GNAI1: variants seen among roughly 807,000 people sequenced by gnomAD.
GNAI1 encodes the protein guanine nucleotide-binding protein G(i) subunit alpha-1.
GNAI1 carries 11 observed loss-of-function variants against 38.9 expected under a neutral mutation model. The ratio of observed to expected loss-of-function variants is 0.28; its 90% CI spans 0.18 to 0.47. The LOEUF is 0.47. Ranked by LOEUF, GNAI1 falls within the 20% of genes least tolerant of loss-of-function variation. GNAI1 has a pLI of 0.99. For synonymous variants in GNAI1, 166 were observed against 145.1 expected, an observed-to-expected ratio of 1.14 and a Z score of -1.04; for missense variants, 317 against 436.9, an observed-to-expected ratio of 0.73 and a Z score of 2.45.
chr7:80,189,064 C>A, intron 2 of GNAI1, 26 bp from the exon 3 acceptor site: 1 of 1,600,492 alleles, frequency 6.2e-7, no homozygotes, highest in Non-Finnish European at 8.5e-7. Flanking sequence ...GTAAATAATT[C>A]TTTTTTTTCC....
chr7:80,180,922 T>G (rs965966530), intron 1 of GNAI1, among the ~76,000 whole-genome samples: 2 of 152,150 alleles, frequency 1.3e-5, no homozygotes, highest in Non-Finnish European at 2.9e-5. Flanking sequence ...TGGCCCATCC[T>G]TTAAGGGCAT....
In GNAI1 at chr7:80,221,635, TC is replaced by T. The variant is rs375627674; in HGVS notation, c.*4143del. On this transcript the variant is annotated 3_prime_UTR_variant, in exon 8 of 8. Coordinates refer to ENST00000649796, the MANE Select transcript of GNAI1 (RefSeq NM_002069.6). ...TATTTTAATGTTAGGTTGGAAATTT[TC>T]TTTTTTTTTTTTTTTTTTTTTTTTT... Among the ~76,000 whole-genome samples the T allele has an allele frequency of 4.3e-5, 4 of 92,126 alleles. No homozygotes were observed. The highest frequency in any genetic ancestry group is 6.3e-5 in the Non-Finnish European group (3 of 47,248). The allele number at this position is 92,126 out of a possible 152,430, so 60.4% of individuals were successfully genotyped here.
intron 4 of GNAI1, among the ~76,000 whole-genome samples, chr7:80,203,349 C>A (rs1420178395): frequency 1.3e-5 from 2 of 151,304 alleles, no homozygotes; most frequent in Non-Finnish European, 2.9e-5. Flanking sequence ...AGTGCTATAT[C>A]CAAAAGGTGT....
intron 1 of GNAI1, among the ~76,000 whole-genome samples, chr7:80,152,866 C>T (rs934802601): frequency 3.3e-5 from 5 of 151,714 alleles, no homozygotes; most frequent in African/African-American, 7.3e-5. Context: ...CCACTGCACC[C>T]GGCCAGATTC....
At position 80,135,994 on chromosome 7, in the gene GNAI1, G is replaced by C. The variant is rs1360576008; in HGVS notation, c.118+716G>C. On this transcript the variant is annotated intron_variant, in intron 1 of 7. Transcript: ENST00000649796. ...AGATACTCGAGTGGTGAAAACTGCTGTGAAAGAGCGAGAGGGTCACGCCAG... is the reference window on the plus strand; with the variant it reads ...AGATACTCGAGTGGTGAAAACTGCTCTGAAAGAGCGAGAGGGTCACGCCAG... 3.0e-6 allele frequency: 3 copies of C among 985,374 alleles called. No individual in the cohort carries two copies. In the East Asian group the frequency reaches 3.4e-4, roughly 112 times the overall value. The allele number at this position is 985,374 out of a possible 1,614,324, so 61.0% of individuals were successfully genotyped here.
chr7:80,143,983 A>G (rs1454422643), intron 1 of GNAI1, among the ~76,000 whole-genome samples: 1 of 151,692 alleles, frequency 6.6e-6, no homozygotes, highest in Admixed American at 6.6e-5. Flanking sequence ...TATAGTGAAG[A>G]CTTCAAGAAG....
intron 7 of GNAI1, among the ~76,000 whole-genome samples, chr7:80,215,533 T>G (rs1562845966): frequency 6.6e-6 from 1 of 152,216 alleles, no homozygotes; most frequent in Non-Finnish European, 1.5e-5. Context: ...AATAAAAATC[T>G]CATAATCTAT....
intron 1 of GNAI1, among the ~76,000 whole-genome samples, chr7:80,149,024 C>T (rs1166337883): frequency 6.6e-6 from 1 of 152,012 alleles, no homozygotes. Context: ...CTAGTATTTA[C>T]TTTCAAATGC....
intron 1 of GNAI1, among the ~76,000 whole-genome samples, chr7:80,146,772 C>T (rs1327946544): frequency 6.6e-6 from 1 of 152,190 alleles, no homozygotes; most frequent in Non-Finnish European, 1.5e-5. Flanking sequence ...TTTCTCACAT[C>T]TTATCTGGCC....
intron 1 of GNAI1, among the ~76,000 whole-genome samples, chr7:80,165,215 T>G (rs1373353581): frequency 6.6e-6 from 1 of 152,158 alleles, no homozygotes; most frequent in Non-Finnish European, 1.5e-5. Flanking sequence ...TCTCTAAAAA[T>G]AACATCAATT....
intron 4 of GNAI1, 125 bp downstream of exon 4, chr7:80,199,507 T>A: frequency 1.5e-6 from 1 of 673,742 alleles, no homozygotes; most frequent in Non-Finnish European, 2.4e-6. Flanking sequence ...ATATTCAGGA[T>A]GACAATATTT....
rs2115730334 is a variant in GNAI1 at position 80,218,367 on chromosome 7, A to G, written c.*874A>G. On this transcript the variant is annotated 3_prime_UTR_variant, in exon 8 of 8. Coordinates refer to ENST00000649796, the MANE Select transcript of GNAI1 (RefSeq NM_002069.6). Reference sequence around the variant, plus strand: ...TTGCCTCAAAGGTGATGTCATCTTAATTTTTATTCACTTTAAATAACTACA... The same window carrying G: ...TTGCCTCAAAGGTGATGTCATCTTAGTTTTTATTCACTTTAAATAACTACA... 1 of 152,194 alleles carries G rather than the reference A, an allele frequency of 6.6e-6. No individual in the cohort carries two copies. The highest frequency in any genetic ancestry group is 1.5e-5 in the Non-Finnish European group (1 of 67,980). The allele number at this position is 152,194 out of a possible 1,614,324, so 9.4% of individuals were successfully genotyped here. A position where few individuals can be genotyped will look rare whatever the true frequency, so the allele number is the denominator to read the frequency against.
chr7:80,161,282 G>C (rs1203495942), intron 1 of GNAI1, among the ~76,000 whole-genome samples: 1 of 152,114 alleles, frequency 6.6e-6, no homozygotes, highest in Non-Finnish European at 1.5e-5. Flanking sequence ...TCAGGTACAT[G>C]AGCATCTGAG....
At chr7:80,190,875 T>C (rs1279495343) in intron 3 of GNAI1, among the ~76,000 whole-genome samples, 2 of 152,134 alleles carry the variant, frequency 1.3e-5, no homozygotes, top group African/African-American at 2.4e-5. Flanking sequence ...TCAAGGAATG[T>C]TGTCGTTTTC....
intron 5 of GNAI1, among the ~76,000 whole-genome samples, chr7:80,210,140 T>A (rs1233981746): frequency 6.6e-6 from 1 of 152,172 alleles, no homozygotes; most frequent in East Asian, 1.9e-4. Flanking sequence ...ATATAAGTGG[T>A]TATTTCTAGG....
intron 6 of GNAI1, 32 bp from the exon 7 acceptor site, chr7:80,212,684 G>C: frequency 7.1e-7 from 1 of 1,399,880 alleles, no homozygotes; most frequent in East Asian, 2.7e-5. Context: ...CTTGCTGTTA[G>C]TGACGATTGG....
rs1789114036 is a variant in GNAI1 at position 80,223,499 on chromosome 7, G to A, written c.*6006G>A. 6.6e-6 allele frequency among the ~76,000 whole-genome samples: 1 copy of A among 152,084 alleles called. No homozygotes were observed. The highest frequency in any genetic ancestry group is 1.5e-5 in the Non-Finnish European group (1 of 68,008). On this transcript the variant is annotated 3_prime_UTR_variant, in exon 8 of 8. Coordinates refer to ENST00000649796, the MANE Select transcript of GNAI1 (RefSeq NM_002069.6). ...GGAAACTTCACAGAGTTTTAGCTTT[G>A]ATCCTTCCTTCACTTTTGAAAATCA...
chr7:80,139,603 GCTT>G (rs963111455), intron 1 of GNAI1, among the ~76,000 whole-genome samples: 8 of 152,054 alleles, frequency 5.3e-5, no homozygotes, highest in African/African-American at 1.7e-4. Flanking sequence ...GTGTAAAATG[GCTT>G]CTTAATTATG....
chr7:80,217,218 T>TTTCATATGTATGAAACTGACTTCAGC, intron 7 of GNAI1, 85 bp from the exon 8 acceptor site: 1 of 883,646 alleles, frequency 1.1e-6, no homozygotes, highest in Non-Finnish European at 1.7e-6. Context: ...CTGACTTCAG[T>TTTCATATGTATGAAACTGACTTCAGC]TTCATATGTA....
Sources: allele counts gnomAD v4.1 joint callset (sites outside exome capture counted in the v4.1 genomes callset), GRCh38; gene constraint gnomAD v4.1.1; transcripts MANE v1.5; gene names NCBI Gene and HGNC (gene_info 2026-07-23, HGNC 2026-07-21).